ATP6V1E2: variants seen among roughly 807,000 people sequenced by gnomAD.
The protein encoded by ATP6V1E2 is V-type proton ATPase subunit E 2.
For synonymous variants in ATP6V1E2, 121 were observed against 104.2 expected (o/e 1.16, Z -0.98); for missense variants, 308 against 273.3 (o/e 1.13, Z -0.90).
intron 2 of ATP6V1E2, among the ~76,000 whole-genome samples, chr2:46,538,310 G>A (rs1220583471): frequency 6.6e-6 from 1 of 152,156 alleles, no homozygotes; most frequent in Non-Finnish European, 1.5e-5. Flanking sequence ...CCTTGTCAAT[G>A]TGGAATATGG....
intron 4 of ATP6V1E2, among the ~76,000 whole-genome samples, chr2:46,529,201 C>G (rs1307843485): frequency 6.6e-6 from 1 of 152,266 alleles, no homozygotes; most frequent in Non-Finnish European, 1.5e-5. Flanking sequence ...GTTACACATT[C>G]AGATGCCCAA....
intron 4 of ATP6V1E2, among the ~76,000 whole-genome samples, chr2:46,516,947 C>T (rs1010471647): frequency 1.3e-5 from 2 of 152,132 alleles, no homozygotes; most frequent in East Asian, 3.9e-4. Flanking sequence ...CTATCAAAAT[C>T]CTGATGCTGT....
intron 4 of ATP6V1E2, among the ~76,000 whole-genome samples, chr2:46,526,580 T>C (rs1666932528): frequency 6.6e-6 from 1 of 152,226 alleles, no homozygotes; most frequent in Non-Finnish European, 1.5e-5. Context: ...ACCATTCTAC[T>C]TCCTGTCTCT....
intron 4 of ATP6V1E2, among the ~76,000 whole-genome samples, chr2:46,515,010 A>C (rs1345773600): frequency 2.0e-5 from 3 of 152,202 alleles, no homozygotes; most frequent in Non-Finnish European, 4.4e-5. Context: ...AAACCCTGCT[A>C]ATCAAGAATA....
chr2:46,513,626 C>T (rs1221756957), intron 4 of ATP6V1E2, among the ~76,000 whole-genome samples: 1 of 151,896 alleles, frequency 6.6e-6, no homozygotes, highest in African/African-American at 2.4e-5. Context: ...GAGATCAAGA[C>T]CATCCTGGCC....
Position 46,533,406 on chromosome 2 carries a change from G to C in ATP6V1E2, c.-102+2407C>G, listed in dbSNP as rs148979072. On this transcript the variant is annotated intron_variant, in intron 4 of 4. Transcript: ENST00000522587. ...TTCCACCTCAGCCACCTGAGTAGCT[G>C]GGACTATAGGAGTGTGCCACCACAC... Among the ~76,000 whole-genome samples the C allele has an allele frequency of 1.2e-3, 183 of 152,062 alleles. 1 individual carries two copies. Among genetic ancestry groups the C allele is most frequent in the African/African-American group, 4.0e-3 (166 of 41,488 alleles).
chr2:46,520,917 T>C (rs1294657475), intron 4 of ATP6V1E2, among the ~76,000 whole-genome samples: 1 of 152,106 alleles, frequency 6.6e-6, no homozygotes, highest in Middle Eastern at 3.4e-3. Context: ...GACAAGTACA[T>C]GAAACGGCAA....
At chr2:46,518,482 A>G (rs1267796380) in intron 4 of ATP6V1E2, among the ~76,000 whole-genome samples, 1 of 85,948 alleles carries the variant, frequency 1.2e-5, no homozygotes, top group African/African-American at 5.1e-5. Context: ...TGTTACACAC[A>G]CACACACAAC....
At chr2:46,518,564 G>A (rs1038904035) in intron 4 of ATP6V1E2, among the ~76,000 whole-genome samples, 10 of 149,868 alleles carry the variant, frequency 6.7e-5, no homozygotes, top group Non-Finnish European at 5.9e-5. Context: ...CCCAAGCTTG[G>A]TGGAAAAACC....
rs1667830386 is a variant in ATP6V1E2 at position 46,542,409 on chromosome 2, C to G, written c.-566G>C. ...CAGCATCGGGGCCTTTGGACGCTTC[C>G]GGGCGCTGCGGGCACTTGCGCGAGG... is the stretch of plus-strand genomic sequence containing the variant. On this transcript the variant is annotated 5_prime_UTR_variant, in exon 1 of 5. Coordinates refer to ENST00000522587, the MANE Select transcript of ATP6V1E2 (RefSeq NM_001318063.2). 1.3e-5 allele frequency: 2 copies of G among 151,476 alleles called. No individual in the cohort carries two copies. Among genetic ancestry groups the G allele is most frequent in the Admixed American group, 1.3e-4 (2 of 15,238 alleles). The allele number at this position is 151,476 out of a possible 1,614,324, so 9.4% of individuals were successfully genotyped here.
intron 2 of ATP6V1E2, among the ~76,000 whole-genome samples, chr2:46,540,410 C>G (rs1255775501): frequency 2.4e-5 from 3 of 124,508 alleles, no homozygotes; most frequent in African/African-American, 9.6e-5. Context: ...GACAGAGTGA[C>G]AGAGAGACAG....
intron 4 of ATP6V1E2, among the ~76,000 whole-genome samples, chr2:46,516,183 C>T (rs1192202685): frequency 6.6e-6 from 1 of 152,104 alleles, no homozygotes; most frequent in South Asian, 2.1e-4. Context: ...ATGGACCTTA[C>T]AGACATATAT....
chr2:46,533,429 C>T (rs1486424367), intron 4 of ATP6V1E2, among the ~76,000 whole-genome samples: 1 of 151,990 alleles, frequency 6.6e-6, no homozygotes, highest in East Asian at 1.9e-4. Flanking sequence ...TGTGCCACCA[C>T]ACCCAACTAT....
Position 46,512,621 on chromosome 2 carries a change from C to T in ATP6V1E2, c.91G>A (p.Asp31Asn), listed in dbSNP as rs370738793. 59 of 1,614,206 alleles carry T rather than the reference C, an allele frequency of 3.7e-5. 1 individual carries two copies. The African/African-American group carries it at 4.1e-4, about 11-fold the overall frequency. ...QEANEKAEEI[D>N]AKAEEEFNIE... ...TTAAACTCTTCCTCAGCCTTGGCAT[C>T]GATTTCCTCTGCTTTCTCATTGGCT... The change falls in exon 5 of 5, where the codon GAT becomes AAT. Residue 31 changes from aspartate to asparagine, a missense_variant. Physicochemically the swap from Asp to Asn is conservative, Grantham distance 23. Transcript: ENST00000522587.
At chr2:46,512,964 G>C (rs1687544126) in intron 4 of ATP6V1E2, among the ~76,000 whole-genome samples, 152 bp from the exon 5 acceptor site, 1 of 152,200 alleles carries the variant, frequency 6.6e-6, no homozygotes, top group Admixed American at 6.5e-5. Flanking sequence ...AGAAGAATGA[G>C]ACTTGAACCA....
Position 46,512,279 on chromosome 2 carries a change from C to T in ATP6V1E2, c.433G>A (p.Glu145Lys). The change falls in exon 5 of 5, where the codon GAG becomes AAG. Residue 145 changes from glutamate (E) to lysine (K), a missense_variant. Coordinates refer to ENST00000522587, the MANE Select transcript of ATP6V1E2 (RefSeq NM_001318063.2). ...RCRPQDLLLV[E>K]AAVQKAIPEY... ...GGGATGGCTTTTTGTACAGCAGCCT[C>T]CACCAGGAGGAGGTCTTGTGGCCGG... 1 of 1,611,916 alleles carries T rather than the reference C, an allele frequency of 6.2e-7. No individual in the cohort carries two copies. The highest frequency in any genetic ancestry group is 1.1e-5 in the South Asian group (1 of 90,852).
At chr2:46,522,262 C>T (rs1303652691) in intron 4 of ATP6V1E2, among the ~76,000 whole-genome samples, 2 of 142,770 alleles carry the variant, frequency 1.4e-5, no homozygotes, top group Non-Finnish European at 1.5e-5. Context: ...CCAGCCTGGG[C>T]GACAGACGGA....
chr2:46,512,653 T>C lies in ATP6V1E2; in HGVS notation c.59A>G (p.Glu20Gly). The C allele has an allele frequency of 6.2e-7, 1 of 1,614,208 alleles. No individual in the cohort carries two copies. Among genetic ancestry groups the C allele is most frequent in the South Asian group, 1.1e-5 (1 of 91,084 alleles). The change falls in exon 5 of 5, where the codon GAG (glutamate) becomes GGG (glycine). Residue 20 changes from glutamate to glycine, a missense_variant. Glu to Gly is a moderately conservative substitution (Grantham distance 98). Coordinates refer to ENST00000522587, the MANE Select transcript of ATP6V1E2 (RefSeq NM_001318063.2). ...CTCTGCTTTCTCATTGGCTTCCTGC[T>C]CAATGAAAGCCATCATGTGCTTAAT... ...KQIKHMMAFI[E>G]QEANEKAEEI... is the part of the protein sequence containing the mutation.
intron 4 of ATP6V1E2, among the ~76,000 whole-genome samples, chr2:46,520,259 T>C (rs1231571941): frequency 1.3e-5 from 2 of 152,208 alleles, no homozygotes; most frequent in African/African-American, 4.8e-5. Flanking sequence ...ATGTAATGTG[T>C]CTAGCAGATG....
Sources: gnomAD v4.1 joint callset for allele counts (sites outside exome capture counted in the v4.1 genomes callset) on GRCh38, gnomAD v4.1.1 for gene constraint, MANE v1.5 for transcripts, NCBI Gene and HGNC (gene_info 2026-07-23, HGNC 2026-07-21) for gene names.